LYRM4: variants seen among roughly 807,000 people sequenced by gnomAD.
LYRM4 encodes LYR motif-containing protein 4.
LYRM4 carries 9 observed loss-of-function variants against 11.7 expected under a neutral mutation model. The observed-to-expected ratio is 0.77, with a 90% confidence interval of 0.46 to 1.34. The LOEUF is 1.34. Ranked by LOEUF, LYRM4 falls within the 40% of genes most tolerant of loss-of-function variation. The pLI, the probability that LYRM4 is intolerant of heterozygous loss-of-function variation, is 0.00. For synonymous variants in LYRM4, 42 were observed against 40.4 expected (o/e 1.04, Z -0.15); for missense variants, 133 against 112.5 (o/e 1.18, Z -0.82).
intron 2 of LYRM4, chr6:5,144,092 G>A (rs1757561527): frequency 6.6e-7 from 1 of 1,515,038 alleles, no homozygotes; most frequent in African/African-American, 1.4e-5. Context: ...GCTTAGAGAG[G>A]TGAGAGCGAT....
chr6:5,144,414 G>C (rs1218700080), intron 2 of LYRM4, among the ~76,000 whole-genome samples: 1 of 151,954 alleles, frequency 6.6e-6, no homozygotes, highest in African/African-American at 2.4e-5. Context: ...GAGGCGGGCA[G>C]ATCACAAGCT....
chr6:5,080,059 G>A, the LYRM4 span, among the ~76,000 whole-genome samples: 2 of 152,206 alleles, frequency 1.3e-5, no homozygotes, highest in Non-Finnish European at 2.9e-5. Flanking sequence ...TCTAAAACTT[G>A]GAAATCAGGT....
downstream of LYRM4, among the ~76,000 whole-genome samples, chr6:5,098,851 G>A (rs1319005324): frequency 6.6e-6 from 1 of 152,194 alleles, no homozygotes; most frequent in African/African-American, 2.4e-5. Flanking sequence ...AGGATGTGAT[G>A]CCACTTTCCT....
chr6:5,125,590 T>A (rs1295365836), intron 2 of LYRM4, among the ~76,000 whole-genome samples: 3 of 152,256 alleles, frequency 2.0e-5, no homozygotes, highest in Middle Eastern at 3.4e-3. Flanking sequence ...CCCAGAGTGG[T>A]CACCACACAT....
chr6:5,093,010 T>C, the LYRM4 span, among the ~76,000 whole-genome samples: 1 of 152,220 alleles, frequency 6.6e-6, no homozygotes, highest in Non-Finnish European at 1.5e-5. Flanking sequence ...ACTTGGGTAT[T>C]AAATTGCAGA....
chr6:5,112,367 T>C (rs1331312126), intron 2 of LYRM4, among the ~76,000 whole-genome samples: 2 of 152,216 alleles, frequency 1.3e-5, no homozygotes, highest in East Asian at 1.9e-4. Context: ...AGATCTGTGA[T>C]GAGCGAGCGA....
At chr6:5,214,720 G>C (rs1295444915) in intron 2 of LYRM4, among the ~76,000 whole-genome samples, 2 of 152,214 alleles carry the variant, frequency 1.3e-5, no homozygotes, top group Non-Finnish European at 2.9e-5. Flanking sequence ...AGATGGCCGG[G>C]GGAGCCACTG....
chr6:5,136,688 G>A (rs1757118232), intron 2 of LYRM4: 2 of 985,334 alleles, frequency 2.0e-6, no homozygotes, highest in Non-Finnish European at 2.4e-6. Context: ...AGTCCCACAG[G>A]TCCTAGCCAC....
the LYRM4 span, chr6:5,065,962 G>C: frequency 3.9e-6 from 1 of 255,102 alleles, no homozygotes; most frequent in Non-Finnish European, 7.8e-6. Context: ...TGGAGTCAGT[G>C]AACTTAAGTG....
chr6:5,182,561 T>C (rs894299842), intron 2 of LYRM4, among the ~76,000 whole-genome samples: 3 of 152,354 alleles, frequency 2.0e-5, no homozygotes, highest in East Asian at 3.9e-4. Context: ...CCTCTAGATA[T>C]TGAAAACCCA....
At chr6:5,255,735 C>A (rs1764635115) in intron 1 of LYRM4, among the ~76,000 whole-genome samples, 1 of 152,086 alleles carries the variant, frequency 6.6e-6, no homozygotes, top group Admixed American at 6.5e-5. Flanking sequence ...CTTGGCATGA[C>A]CAAACTTTTG....
In LYRM4 at chr6:5,260,894, A is replaced by G; in HGVS notation, c.-161T>C. On this transcript the variant is annotated 5_prime_UTR_variant, in exon 1 of 3. Transcript: ENST00000330636. Reference sequence around the variant, plus strand: ...TAAGCCTAAGCGGGCAGCCCTGCGGATCGCGGACGGCGCCAGGCGTCCCGC... The same window carrying G: ...TAAGCCTAAGCGGGCAGCCCTGCGGGTCGCGGACGGCGCCAGGCGTCCCGC... 1 of 1,397,410 alleles carries G rather than the reference A, an allele frequency of 7.2e-7. No individual in the cohort carries two copies. Among genetic ancestry groups the G allele is most frequent in the South Asian group, 1.6e-5 (1 of 63,918 alleles). 86.6% of individuals were successfully genotyped at this position (1,397,410 alleles called of 1,614,324 possible).
chr6:5,096,759 T>C, the LYRM4 span, among the ~76,000 whole-genome samples: 1 of 152,204 alleles, frequency 6.6e-6, no homozygotes, highest in South Asian at 2.1e-4. Flanking sequence ...GGGAAGTTAG[T>C]TGTGAAGTGC....
At chr6:5,184,303 G>T (rs1307820005) in intron 2 of LYRM4, among the ~76,000 whole-genome samples, 1 of 152,140 alleles carries the variant, frequency 6.6e-6, no homozygotes, top group Non-Finnish European at 1.5e-5. Flanking sequence ...CAAGAAAGGG[G>T]TTCAAAATTA....
intron 2 of LYRM4, among the ~76,000 whole-genome samples, chr6:5,154,698 A>G (rs998938629): frequency 2.0e-5 from 3 of 152,192 alleles, no homozygotes; most frequent in Admixed American, 6.5e-5. Flanking sequence ...ACGCGCCTGT[A>G]GTCCCAGCTA....
intron 2 of LYRM4, chr6:5,144,012 C>T: frequency 8.7e-7 from 1 of 1,143,276 alleles, no homozygotes; most frequent in Middle Eastern, 2.7e-4. Context: ...ATTCCCAAGG[C>T]TCAAAGAAGC....
chr6:5,046,602 A>C, the LYRM4 span, among the ~76,000 whole-genome samples: 1 of 152,182 alleles, frequency 6.6e-6, no homozygotes, highest in Non-Finnish European at 1.5e-5. Flanking sequence ...CTGCACAGGC[A>C]TCTCGCTCTT....
chr6:5,187,116 C>T (rs1760450521), intron 2 of LYRM4: 5 of 723,638 alleles, frequency 6.9e-6, no homozygotes, highest in Non-Finnish European at 8.5e-6. Context: ...AAGAAATGCA[C>T]ATGCTAATAG....
At chr6:5,050,018 G>C in the LYRM4 span, among the ~76,000 whole-genome samples, 4 of 152,248 alleles carry the variant, frequency 2.6e-5, no homozygotes, top group Admixed American at 2.6e-4. Flanking sequence ...TTCAGCCATA[G>C]ACATCCAAAT....
Sources: allele counts gnomAD v4.1 joint callset (sites outside exome capture counted in the v4.1 genomes callset), GRCh38; gene constraint gnomAD v4.1.1; transcripts MANE v1.5; gene names NCBI Gene and HGNC (gene_info 2026-07-23, HGNC 2026-07-21).